XYLT1: variants seen among roughly 807,000 people sequenced by gnomAD.
XYLT1 encodes beta-D-xylosyltransferase 1.
In XYLT1, 36 loss-of-function variants were observed where a neutral mutation model predicts 91.3. The ratio of observed to expected loss-of-function variants is 0.39; its 90% confidence interval spans 0.30 to 0.52. The LOEUF (loss-of-function observed/expected upper bound fraction) is 0.52, where lower values mean the gene tolerates loss of function less well. XYLT1 is among the 20% of genes least tolerant of loss of function. XYLT1 has a pLI of 0.68. For missense variants in XYLT1, 1,242 were observed against 1,284.5 expected (o/e 0.97, Z 0.51); for synonymous variants, 588 against 532.0 (o/e 1.11, Z -1.45).
At chr16:17,188,325 T>G (rs759508010) in intron 5 of XYLT1, among the ~76,000 whole-genome samples, 1 of 152,200 alleles carries the variant, frequency 6.6e-6, no homozygotes, top group Non-Finnish European at 1.5e-5. Context: ...GCTCACAGAC[T>G]GAGGCTTTAG....
rs559328562 is a variant in XYLT1, at chr16:17,207,721, C to T, written c.914-7067G>A. Reference sequence around the variant, plus strand: ...AGCCCTGCTGGGAGGAATCAGTCAACGGCCCAGACTGCTCTGCACCGCAGC... The same window carrying T: ...AGCCCTGCTGGGAGGAATCAGTCAATGGCCCAGACTGCTCTGCACCGCAGC... On this transcript the variant is annotated intron_variant, in intron 3 of 11. Transcript: ENST00000261381. Among the ~76,000 whole-genome samples, 20 of 152,284 alleles carry T rather than the reference C, an allele frequency of 1.3e-4. No individual in the cohort carries two copies. The East Asian group carries it at 1.7e-3, about 13-fold the overall frequency.
chr16:17,141,275 C>T lies in XYLT1; in HGVS notation c.1465G>A (p.Val489Met), dbSNP rs777585170. 22 of 1,614,074 alleles carry T rather than the reference C, an allele frequency of 1.4e-5. No homozygotes were observed. Among genetic ancestry groups the T allele is most frequent in the East Asian group, 1.1e-4 (5 of 44,896 alleles). The change falls in exon 7 of 12, where the codon GTG (valine) becomes ATG (methionine). Residue 489 changes from valine (V) to methionine (M), a missense_variant. Physicochemically the swap from Val to Met is conservative, Grantham distance 21. Transcript: ENST00000261381. ...AGGAACCAGTCCGAACCGCCATCCA[C>T]GGCAATGCCCTCTGGGATCCGCCGA... ...GDRRIPEGIAVDGGSDWFLLN... is the reference protein window; with the variant it reads ...GDRRIPEGIAMDGGSDWFLLN...
At chr16:17,195,257 C>T (rs1422337049) in intron 5 of XYLT1, among the ~76,000 whole-genome samples, 1 of 152,166 alleles carries the variant, frequency 6.6e-6, no homozygotes, top group Non-Finnish European at 1.5e-5. Context: ...CATCCCCAAA[C>T]ATCAGCAGTG....
intron 1 of XYLT1, among the ~76,000 whole-genome samples, chr16:17,408,278 C>T (rs549819934): frequency 6.6e-5 from 10 of 152,312 alleles, no homozygotes; most frequent in South Asian, 2.1e-4. Flanking sequence ...CAGTGACATA[C>T]GCTTGGTAAG....
chr16:17,415,525 A>C (rs2141916038), intron 1 of XYLT1, among the ~76,000 whole-genome samples: 1 of 152,270 alleles, frequency 6.6e-6, no homozygotes, highest in Non-Finnish European at 1.5e-5. Flanking sequence ...CCCCATCTCC[A>C]CTAAAAAATA....
intron 1 of XYLT1, among the ~76,000 whole-genome samples, chr16:17,428,870 T>A (rs887710975): frequency 6.6e-6 from 1 of 152,226 alleles, no homozygotes; most frequent in African/African-American, 2.4e-5. Flanking sequence ...TGGTCCCTGC[T>A]GGGCTGGGAG....
chr16:17,439,746 G>A (rs567088735), intron 1 of XYLT1, among the ~76,000 whole-genome samples: 13 of 152,254 alleles, frequency 8.5e-5, no homozygotes, highest in East Asian at 1.9e-4. Context: ...ACAACAAACC[G>A]AGACTTCCTC....
intron 3 of XYLT1, among the ~76,000 whole-genome samples, chr16:17,210,489 A>G (rs555853129): frequency 6.6e-6 from 1 of 152,320 alleles, no homozygotes; most frequent in African/African-American, 2.4e-5. Flanking sequence ...AGGCAGGAGA[A>G]TTGCTTGAAC....
At chr16:17,124,655 G>C (rs1597135029) in intron 10 of XYLT1, among the ~76,000 whole-genome samples, 1 of 152,308 alleles carries the variant, frequency 6.6e-6, no homozygotes, top group East Asian at 1.9e-4. Flanking sequence ...TAGATCTCTA[G>C]CAAGGCTGGG....
At chr16:17,350,948 T>C (rs1433480260) in intron 2 of XYLT1, among the ~76,000 whole-genome samples, 1 of 151,996 alleles carries the variant, frequency 6.6e-6, no homozygotes, top group Admixed American at 6.6e-5. Context: ...ATTTGAAAGA[T>C]CTTCTCCATC....
intron 6 of XYLT1, among the ~76,000 whole-genome samples, chr16:17,145,846 A>G (rs1390096976): frequency 6.6e-6 from 1 of 152,240 alleles, no homozygotes; most frequent in Non-Finnish European, 1.5e-5. Flanking sequence ...CAGTCTGCTC[A>G]GAGTTCTAGA....
At chr16:17,289,468 G>T (rs1434077999) in intron 2 of XYLT1, among the ~76,000 whole-genome samples, 1 of 152,100 alleles carries the variant, frequency 6.6e-6, no homozygotes, top group Non-Finnish European at 1.5e-5. Context: ...AACTCAAGGG[G>T]CTTTGTTTCC....
At chr16:17,368,193 G>A (rs1197724470) in intron 1 of XYLT1, among the ~76,000 whole-genome samples, 1 of 152,154 alleles carries the variant, frequency 6.6e-6, no homozygotes, top group Admixed American at 6.5e-5. Context: ...TGCAGTCCCA[G>A]GCTACAGCTC....
chr16:17,348,612 G>A (rs761242969), intron 2 of XYLT1, among the ~76,000 whole-genome samples: 1 of 152,148 alleles, frequency 6.6e-6, no homozygotes, highest in African/African-American at 2.4e-5. Flanking sequence ...ATAAAGTGTT[G>A]AGCAACATCC....
chr16:17,175,152 T>G (rs75661821), intron 5 of XYLT1, among the ~76,000 whole-genome samples: 5,531 of 152,276 alleles, frequency 0.036, 110 homozygotes, highest in South Asian at 0.082. Context: ...AATTTCAAAC[T>G]GAGAAATAAA....
chr16:17,221,090 T>C (rs2032958549), intron 3 of XYLT1, among the ~76,000 whole-genome samples: 1 of 152,170 alleles, frequency 6.6e-6, no homozygotes, highest in South Asian at 2.1e-4. Flanking sequence ...AACATTTCCT[T>C]GCCTCTTGTT....
intron 1 of XYLT1, among the ~76,000 whole-genome samples, chr16:17,421,601 T>C (rs1053409536): frequency 1.3e-5 from 2 of 152,218 alleles, no homozygotes; most frequent in East Asian, 1.9e-4. Context: ...AGGAAGATGC[T>C]TGATGCTACC....
At chr16:17,156,235 T>C (rs922660045) in intron 6 of XYLT1, among the ~76,000 whole-genome samples, 4 of 152,222 alleles carry the variant, frequency 2.6e-5, no homozygotes, top group African/African-American at 9.6e-5. Flanking sequence ...CTATACTCAG[T>C]TCCTAGCACA....
intron 10 of XYLT1, 91 bp from the exon 11 acceptor site, chr16:17,118,070 T>C: frequency 7.6e-7 from 1 of 1,320,980 alleles, no homozygotes; most frequent in Non-Finnish European, 1.0e-6. Context: ...TTAGCTTTCA[T>C]ATACCCATTT....
Sources: gnomAD v4.1 joint callset for allele counts (sites outside exome capture counted in the v4.1 genomes callset) on GRCh38, gnomAD v4.1.1 for gene constraint, MANE v1.5 for transcripts, NCBI Gene and HGNC (gene_info 2026-07-23, HGNC 2026-07-21) for gene names.